Variants in ZNF512 observed in about 807,000 individuals in gnomAD.
The protein encoded by ZNF512 is zinc finger protein 512.
ZNF512 carries 25 observed loss-of-function variants against 77.5 expected under a neutral mutation model. The observed-to-expected ratio is 0.32, with a 90% CI of 0.23 to 0.45. ZNF512 has a LOEUF of 0.45. Among genes scored for constraint, ZNF512 ranks in the 20% least tolerant of loss-of-function variants. The pLI is 1.00. For missense variants in ZNF512, 483 were observed against 692.6 expected, an observed-to-expected ratio of 0.70 and a Z score of 3.40; for synonymous variants, 246 against 239.9, an observed-to-expected ratio of 1.03 and a Z score of -0.24.
chr2:27,594,309 G>T lies in ZNF512; in HGVS notation c.90-3758G>T, dbSNP rs540431800. Among the ~76,000 whole-genome samples the T allele has an allele frequency of 2.3e-4, 34 of 147,158 alleles. No individual in the cohort carries two copies. The East Asian group carries it at 6.2e-3, about 27-fold the overall frequency. ...AGTTCGCAGACGGGGTGGCAGCCGG[G>T]CAGAGGCGCTCCTCACCTCCTAAAC... On this transcript the variant is annotated intron_variant, in intron 2 of 13. Transcript: ENST00000355467.
chr2:27,597,570 A>T (rs958274973), intron 2 of ZNF512, among the ~76,000 whole-genome samples: 1 of 152,230 alleles, frequency 6.6e-6, no homozygotes, highest in African/African-American at 2.4e-5. Flanking sequence ...GCTAAGTATC[A>T]TGTTGCCTAA....
At chr2:27,594,623 C>G (rs1671768882) in intron 2 of ZNF512, among the ~76,000 whole-genome samples, 1 of 151,320 alleles carries the variant, frequency 6.6e-6, no homozygotes, top group East Asian at 2.0e-4. Flanking sequence ...GGCGGCCGGG[C>G]AGAGGCGCTC....
At chr2:27,586,586 A>G (rs1267359955) in intron 2 of ZNF512, among the ~76,000 whole-genome samples, 4 of 152,208 alleles carry the variant, frequency 2.6e-5, no homozygotes, top group Admixed American at 2.6e-4. Context: ...GAGGCCTGCC[A>G]GTCCATTAAT....
chr2:27,610,550 A>G lies in ZNF512; in HGVS notation c.1131+2511A>G, dbSNP rs1175630550. 2.7e-3 allele frequency among the ~76,000 whole-genome samples: 66 copies of G among 24,142 alleles called. 2 individuals carry two copies. Among genetic ancestry groups the G allele is most frequent in the Non-Finnish European group, 4.1e-3 (48 of 11,796 alleles). The allele number at this position is 24,142 out of a possible 152,430, so 15.8% of individuals were successfully genotyped here. On this transcript the variant is annotated intron_variant, in intron 10 of 13. Transcript: ENST00000355467. ...TGTGTATATATATGTGTGTGTATAT[A>G]TATATATATATATATATATTTTTTT... is the stretch of plus-strand genomic sequence containing the variant.
In ZNF512 at chr2:27,607,964, G is replaced by T; in HGVS notation, c.1056G>T (p.Glu352Asp). 6.2e-7 allele frequency: 1 copy of T among 1,613,474 alleles called. No individual in the cohort carries two copies. Among genetic ancestry groups the T allele is most frequent in the Non-Finnish European group, 8.5e-7 (1 of 1,179,684 alleles). The change falls in exon 10 of 14, where the codon GAG becomes GAT. Residue 352 changes from glutamate to aspartate, a missense_variant. Coordinates refer to ENST00000355467, the MANE Select transcript of ZNF512 (RefSeq NM_032434.4). ...SAKIAVYHLQ[E>D]LASAELAKEW... ...AGATAGCTGTATACCACCTACAGGA[G>T]CTGGCCTCTGCTGAACTGGCCAAGG...
At chr2:27,585,920 G>A (rs750857272) in intron 2 of ZNF512, among the ~76,000 whole-genome samples, 36 of 152,104 alleles carry the variant, frequency 2.4e-4, no homozygotes, top group Non-Finnish European at 4.9e-4. Context: ...AATGTCCTGG[G>A]GTTGATGGGT....
intron 12 of ZNF512, 33 bp from the exon 13 acceptor site, chr2:27,617,440 A>G (rs1672931462): frequency 2.4e-6 from 2 of 849,784 alleles, no homozygotes; most frequent in African/African-American, 1.7e-5. Context: ...TGAATTTACC[A>G]GTAATTCTTT....
At position 27,621,628 on chromosome 2, in the gene ZNF512, G is replaced by A; in HGVS notation, c.*167G>A. 1 of 693,468 alleles carries A rather than the reference G, an allele frequency of 1.4e-6. No individual in the cohort carries two copies. The allele number at this position is 693,468 out of a possible 1,614,324, so 43.0% of individuals were successfully genotyped here. On this transcript the variant is annotated 3_prime_UTR_variant, in exon 14 of 14. Coordinates refer to ENST00000355467, the MANE Select transcript of ZNF512 (RefSeq NM_032434.4). Reference sequence around the variant, plus strand: ...TCACTGTCTTCCCTTCTTACATTTTGATTCCCCCCTCCCCTTTTAGTAGGT... The same window carrying A: ...TCACTGTCTTCCCTTCTTACATTTTAATTCCCCCCTCCCCTTTTAGTAGGT...
chr2:27,590,177 G>T (rs984290939), intron 2 of ZNF512, among the ~76,000 whole-genome samples: 1 of 152,136 alleles, frequency 6.6e-6, no homozygotes, highest in South Asian at 2.1e-4. Context: ...TAAGATTGTG[G>T]AATTGTCTAT....
intron 12 of ZNF512, chr2:27,617,244 G>A (rs1672920832): frequency 2.3e-6 from 1 of 430,078 alleles, no homozygotes; most frequent in African/African-American, 2.0e-5. Flanking sequence ...CTTTCAGGTT[G>A]TGTTGAAGTA....
At chr2:27,587,870 G>A (rs1490827389) in intron 2 of ZNF512, among the ~76,000 whole-genome samples, 1 of 151,462 alleles carries the variant, frequency 6.6e-6, no homozygotes, top group Admixed American at 6.6e-5. Context: ...AGTAGAGACG[G>A]GGTTTCTCCA....
intron 9 of ZNF512, among the ~76,000 whole-genome samples, chr2:27,607,569 T>C (rs1019826034): frequency 2.0e-5 from 3 of 152,198 alleles, no homozygotes; most frequent in African/African-American, 4.8e-5. Flanking sequence ...GGTTTCACCA[T>C]GTTAGCCAGG....
At chr2:27,588,062 T>G (rs552122527) in intron 2 of ZNF512, among the ~76,000 whole-genome samples, 1 of 152,186 alleles carries the variant, frequency 6.6e-6, no homozygotes, top group Non-Finnish European at 1.5e-5. Flanking sequence ...AAAAAGTGGG[T>G]TATCTTATTG....
rs1390076306 is a variant in ZNF512, at chr2:27,622,390, C to A, written c.*929C>A. 2 of 152,752 alleles carry A rather than the reference C, an allele frequency of 1.3e-5. No homozygotes were observed. Among genetic ancestry groups the A allele is most frequent in the African/African-American group, 4.8e-5 (2 of 41,440 alleles). The allele number at this position is 152,752 out of a possible 1,614,324, so 9.5% of individuals were successfully genotyped here. A position where few individuals can be genotyped will look rare whatever the true frequency, so the allele number is the denominator to read the frequency against. ...GCGCATTCCTTCTCCCTGGACTTTACCTTACTTGTTAGTCTACGCCCCACT... is the reference window on the plus strand; with the variant it reads ...GCGCATTCCTTCTCCCTGGACTTTAACTTACTTGTTAGTCTACGCCCCACT... On this transcript the variant is annotated 3_prime_UTR_variant, in exon 14 of 14. Coordinates refer to ENST00000355467, the MANE Select transcript of ZNF512 (RefSeq NM_032434.4).
chr2:27,610,468 GTGTATA>G (rs1400200971), intron 10 of ZNF512, among the ~76,000 whole-genome samples: 1 of 79,752 alleles, frequency 1.3e-5, no homozygotes, highest in African/African-American at 5.8e-5. Flanking sequence ...GGTTATATAT[GTGTATA>G]TGTGTATATA....
rs374008551 is a variant in ZNF512 at position 27,602,528 on chromosome 2, A to G, written c.735A>G (p.Leu245=). The change falls in exon 8 of 14, where the codon CTA becomes CTG. Residue 245 remains leucine (L), a synonymous_variant. Transcript: ENST00000355467. ...AGAGGGAAAGGCTCCGAACAGTTCTAAAGAGACTGGGAAAGCTCAGGTGCA... is the reference window on the plus strand; with the variant it reads ...AGAGGGAAAGGCTCCGAACAGTTCTGAAGAGACTGGGAAAGCTCAGGTGCA... The part of the protein sequence containing the change: ...PSERERLRTV[L]KRLGKLRCMR... 46 of 1,613,998 alleles carry G rather than the reference A, an allele frequency of 2.9e-5. No individual in the cohort carries two copies. The East Asian group carries it at 4.7e-4, about 16-fold the overall frequency.
chr2:27,601,438 G>T lies in ZNF512; in HGVS notation c.665G>T (p.Ser222Ile). The T allele has an allele frequency of 6.2e-7, 1 of 1,612,116 alleles. No homozygotes were observed. Among genetic ancestry groups the T allele is most frequent in the Non-Finnish European group, 8.5e-7 (1 of 1,178,934 alleles). ...MKYHVMANHN[S>I]LPILKAGDEI... The stretch of plus-strand genomic sequence containing the variant: ...TATCATGTCATGGCAAATCATAATA[G>T]TTTGGTAAGAGTGTCTTCTGTCTTT... The change falls in exon 7 of 14, where the codon AGT (serine) becomes ATT (isoleucine). Residue 222 changes from serine (S) to isoleucine (I), a missense_variant. Ser to Ile is a moderately radical substitution (Grantham distance 142, BLOSUM62 -2). Transcript: ENST00000355467.
intron 13 of ZNF512, among the ~76,000 whole-genome samples, chr2:27,619,181 G>A (rs1392722481): frequency 1.3e-5 from 2 of 152,086 alleles, no homozygotes; most frequent in Admixed American, 6.5e-5. Flanking sequence ...AGGCCGAGGC[G>A]GGCAGATCAC....
At chr2:27,599,766 C>A in intron 4 of ZNF512, 88 bp downstream of exon 4, 1 of 1,305,242 alleles carries the variant, frequency 7.7e-7, no homozygotes, top group Non-Finnish European at 1.1e-6. Flanking sequence ...TTAGTTTGAG[C>A]CCTTCAGTGA....
Sources: allele counts gnomAD v4.1 joint callset (sites outside exome capture counted in the v4.1 genomes callset), GRCh38; gene constraint gnomAD v4.1.1; transcripts MANE v1.5; gene names NCBI Gene and HGNC (gene_info 2026-07-23, HGNC 2026-07-21).